Variants in GRM7 observed in about 807,000 individuals in gnomAD.
GRM7 encodes glutamate metabotropic receptor 7.
GRM7 carries 35 observed loss-of-function variants against 84.5 expected under a neutral mutation model. The observed-to-expected ratio is 0.41, with a 90% confidence interval of 0.32 to 0.55. The LOEUF (loss-of-function observed/expected upper bound fraction) is 0.55, where lower values mean the gene tolerates loss of function less well. Ranked by LOEUF, GRM7 falls within the 20% of genes least tolerant of loss-of-function variation. The pLI, the probability that GRM7 is intolerant of heterozygous loss-of-function variation, is 0.19. For missense variants in GRM7, 1,003 were observed against 1,194.6 expected (o/e 0.84, Z 2.36); for synonymous variants, 487 against 455.1 (o/e 1.07, Z -0.89).
intron 1 of GRM7, among the ~76,000 whole-genome samples, chr3:6,866,420 C>G (rs570166580): frequency 1.3e-5 from 2 of 151,418 alleles, no homozygotes; most frequent in African/African-American, 4.9e-5. Context: ...TTTGTCTTGT[C>G]AAAACTGTCT....
intron 2 of GRM7, among the ~76,000 whole-genome samples, chr3:7,258,610 A>T (rs1698295983): frequency 6.6e-6 from 1 of 152,234 alleles, no homozygotes. Flanking sequence ...TCCAATTTTT[A>T]AAAAGTAGAT....
In GRM7 at chr3:7,051,566, T is replaced by C. The variant is rs184554191; in HGVS notation, c.520-94886T>C. On this transcript the variant is annotated intron_variant, in intron 1 of 9. Transcript: ENST00000357716. ...AACTGATTTTTCTTTTTAACTCAAA[T>C]TACTGATGAAGGAATCCTTAGGAAA... Among the ~76,000 whole-genome samples, 21 of 151,950 alleles carry C rather than the reference T, an allele frequency of 1.4e-4. 1 individual carries two copies. Among genetic ancestry groups the C allele is most frequent in the African/African-American group, 4.8e-4 (20 of 41,546 alleles).
At chr3:7,122,335 T>C (rs1417956304) in intron 1 of GRM7, among the ~76,000 whole-genome samples, 1 of 152,132 alleles carries the variant, frequency 6.6e-6, no homozygotes, top group Non-Finnish European at 1.5e-5. Flanking sequence ...GCCCTAAGAA[T>C]GAATGTATTA....
chr3:7,171,912 A>G (rs1694995423), intron 2 of GRM7, among the ~76,000 whole-genome samples: 1 of 152,230 alleles, frequency 6.6e-6, no homozygotes, highest in Non-Finnish European at 1.5e-5. Context: ...CTAGGAAAAT[A>G]ATACATCAGC....
intron 7 of GRM7, among the ~76,000 whole-genome samples, chr3:7,525,184 G>A (rs987755098): frequency 6.6e-6 from 1 of 151,800 alleles, no homozygotes; most frequent in Non-Finnish European, 1.5e-5. Context: ...GTTAATGGGT[G>A]CAGCACACCA....
chr3:7,230,950 C>G (rs930566210), intron 2 of GRM7, among the ~76,000 whole-genome samples: 1 of 152,150 alleles, frequency 6.6e-6, no homozygotes, highest in African/African-American at 2.4e-5. Flanking sequence ...CCACCAGAAA[C>G]AGCATTCATA....
In GRM7 at chr3:7,557,746, T is replaced by G. The variant is rs575169408; in HGVS notation, c.1516-20676T>G. Reference sequence around the variant, plus strand: ...TAAACTCATTAACAATCTTAATTTATAACTAAAATTATTAAAAATAAATTC... The same window carrying G: ...TAAACTCATTAACAATCTTAATTTAGAACTAAAATTATTAAAAATAAATTC... On this transcript the variant is annotated intron_variant, in intron 7 of 9. Transcript: ENST00000357716. 7.9e-5 allele frequency among the ~76,000 whole-genome samples: 12 copies of G among 152,312 alleles called. No individual in the cohort carries two copies. In the East Asian group the frequency reaches 1.7e-3, roughly 22 times the overall value.
intron 1 of GRM7, among the ~76,000 whole-genome samples, chr3:6,957,313 T>C (rs1429102501): frequency 6.6e-6 from 1 of 152,204 alleles, no homozygotes; most frequent in African/African-American, 2.4e-5. Flanking sequence ...ACTTGTCAGC[T>C]TGCTGAGGGC....
At chr3:7,223,471 C>T (rs941297293) in intron 2 of GRM7, among the ~76,000 whole-genome samples, 2 of 151,974 alleles carry the variant, frequency 1.3e-5, no homozygotes, top group Non-Finnish European at 2.9e-5. Flanking sequence ...TTATGGAAAT[C>T]ACCAGGCATA....
chr3:7,287,756 A>G (rs1156446300), intron 2 of GRM7, among the ~76,000 whole-genome samples: 2 of 152,184 alleles, frequency 1.3e-5, no homozygotes, highest in Non-Finnish European at 2.9e-5. Flanking sequence ...AATTTAAAAA[A>G]AAATTGCTCT....
In GRM7 at chr3:7,055,064, TTG is replaced by T. The variant is rs1016857789; in HGVS notation, c.520-91382_520-91381del. ...TATTGGTTTTTGTATCAATCTTTTT[TTG>T]TGTGTCCTTTTCCTATTTATTTGTT... On this transcript the variant is annotated intron_variant, in intron 1 of 9. Transcript: ENST00000357716. Among the ~76,000 whole-genome samples the T allele has an allele frequency of 3.9e-5, 6 of 152,160 alleles. No homozygotes were observed. The South Asian group carries it at 1.2e-3, about 32-fold the overall frequency.
At chr3:7,077,274 G>A (rs778923065) in intron 1 of GRM7, among the ~76,000 whole-genome samples, 8 of 152,258 alleles carry the variant, frequency 5.3e-5, no homozygotes, top group Admixed American at 2.0e-4. Context: ...ACATACACAC[G>A]TATGTTTATT....
chr3:7,208,179 T>C (rs1177378963), intron 2 of GRM7, among the ~76,000 whole-genome samples: 7 of 152,236 alleles, frequency 4.6e-5, no homozygotes, highest in Non-Finnish European at 8.8e-5. Context: ...GTCTCATTCA[T>C]TTGTTCATTC....
At chr3:7,589,960 T>TA (rs965914314) in intron 8 of GRM7, among the ~76,000 whole-genome samples, 2 of 151,996 alleles carry the variant, frequency 1.3e-5, no homozygotes, top group Non-Finnish European at 1.5e-5. Flanking sequence ...CATACAGGTC[T>TA]AAAAAAAACC....
At chr3:7,420,675 C>T (rs1696356565) in intron 5 of GRM7, among the ~76,000 whole-genome samples, 1 of 152,102 alleles carries the variant, frequency 6.6e-6, no homozygotes, top group Admixed American at 6.6e-5. Context: ...CCCCTACCTA[C>T]CTCTATAAAT....
chr3:7,343,380 T>A (rs1692735320), intron 4 of GRM7, among the ~76,000 whole-genome samples: 1 of 151,944 alleles, frequency 6.6e-6, no homozygotes, highest in Non-Finnish European at 1.5e-5. Context: ...ACTACAGGGA[T>A]GTATTTTTAT....
At chr3:7,092,604 G>T (rs1017402453) in intron 1 of GRM7, among the ~76,000 whole-genome samples, 52 of 150,010 alleles carry the variant, frequency 3.5e-4, no homozygotes, top group African/African-American at 1.2e-3. Flanking sequence ...TTGAATTGGG[G>T]GGGGGGCAAT....
At position 7,579,354 on chromosome 3, in the gene GRM7, A is replaced by T; in HGVS notation, c.2448A>T (p.Glu816Asp). The T allele has an allele frequency of 6.5e-7, 1 of 1,534,098 alleles. No individual in the cohort carries two copies. Among genetic ancestry groups the T allele is most frequent in the Non-Finnish European group, 8.8e-7 (1 of 1,131,864 alleles). The change falls in exon 8 of 10, where the codon GAA (glutamate) becomes GAT (aspartate). Residue 816 changes from glutamate to aspartate, a missense_variant. Transcript: ENST00000357716. Reference protein sequence around the residue: ...PIFFGTAQSAEKLYIQTTTLT... With the variant: ...PIFFGTAQSADKLYIQTTTLT... ...TTTTTGGCACCGCTCAATCAGCGGA[A>T]AAGGTAAGTGAAAATGCACATCATA... is the stretch of plus-strand genomic sequence containing the variant.
At chr3:7,240,499 A>G (rs1402230212) in intron 2 of GRM7, among the ~76,000 whole-genome samples, 2 of 152,154 alleles carry the variant, frequency 1.3e-5, no homozygotes, top group Non-Finnish European at 2.9e-5. Context: ...TGAATGAAGG[A>G]ATTATACAAC....
Sources: gnomAD v4.1 joint callset for allele counts (sites outside exome capture counted in the v4.1 genomes callset) on GRCh38, gnomAD v4.1.1 for gene constraint, MANE v1.5 for transcripts, NCBI Gene and HGNC (gene_info 2026-07-23, HGNC 2026-07-21) for gene names.